The following BMPER variants were observed in gnomAD, a reference collection of about 807,000 sequenced individuals.
BMPER encodes the protein BMP-binding endothelial regulator protein.
BMPER carries 45 observed loss-of-function variants against 87.3 expected under a neutral mutation model. The observed-to-expected ratio is 0.52, with a 90% CI of 0.41 to 0.66. The LOEUF is 0.66. Ranked by LOEUF, BMPER falls within the 30% of genes least tolerant of loss-of-function variation. The pLI, the probability that BMPER is intolerant of heterozygous loss-of-function variation, is 0.00. For missense variants in BMPER, 784 were observed against 867.5 expected (o/e 0.90, Z 1.21); for synonymous variants, 326 against 316.2 (o/e 1.03, Z -0.33).
At position 34,005,293 on chromosome 7, in the gene BMPER, AAC is replaced by A. The variant is rs141371077; in HGVS notation, c.576+30512_576+30513del. Among the ~76,000 whole-genome samples the A allele has an allele frequency of 6.0e-3, 909 of 152,190 alleles. 4 individuals are homozygous for A. Among genetic ancestry groups the A allele is most frequent in the African/African-American group, 0.021 (855 of 41,536 alleles). ...AGCTATTGTTTTTTAAAACTATTGTAACACTGGGTAGAGAGGGACAAGATTAA... is the reference window on the plus strand; with the variant it reads ...AGCTATTGTTTTTTAAAACTATTGTAACTGGGTAGAGAGGGACAAGATTAA... On this transcript the variant is annotated intron_variant, in intron 6 of 14. Coordinates refer to ENST00000649409, the MANE Select transcript of BMPER (RefSeq NM_001365308.1).
At chr7:33,934,854 T>TA (rs1370338196) in intron 2 of BMPER, among the ~76,000 whole-genome samples, 1 of 152,236 alleles carries the variant, frequency 6.6e-6, no homozygotes, top group African/African-American at 2.4e-5. Flanking sequence ...GCTGAATGCA[T>TA]AAAGCCATAC....
At chr7:33,955,176 C>T (rs1027767037) in intron 3 of BMPER, among the ~76,000 whole-genome samples, 24 of 152,304 alleles carry the variant, frequency 1.6e-4, no homozygotes, top group African/African-American at 5.8e-4. Flanking sequence ...GGATTACAGG[C>T]GTAAGCCACT....
Position 33,994,350 on chromosome 7 carries a change from A to T in BMPER, c.576+19566A>T, listed in dbSNP as rs138061999. On this transcript the variant is annotated intron_variant, in intron 6 of 14. Transcript: ENST00000649409. ...CGCTGTTTTTTAAGCCCGTCGGAAA[A>T]GCGCGGTATTCGGGTGGGAGTGACC... Among the ~76,000 whole-genome samples the T allele has an allele frequency of 6.6e-3, 1,011 of 152,272 alleles. 10 individuals carry two copies. Among genetic ancestry groups the T allele is most frequent in the African/African-American group, 0.023 (973 of 41,562 alleles).
chr7:33,937,524 G>GTGTGTGTGTGTA (rs1784636024), intron 3 of BMPER, 136 bp downstream of exon 3: 4 of 773,434 alleles, frequency 5.2e-6, no homozygotes, highest in Non-Finnish European at 8.8e-6. Flanking sequence ...GTGTGTGTGT[G>GTGTGTGTGTGTA]TGTGTGTGTG....
intron 6 of BMPER, among the ~76,000 whole-genome samples, chr7:33,998,367 C>A (rs947310232): frequency 1.3e-5 from 2 of 152,210 alleles, no homozygotes; most frequent in African/African-American, 4.8e-5. Context: ...GTGTCCAGGT[C>A]AGCTAGACTT....
chr7:34,026,649 GTGTT>G (rs2127948878), intron 6 of BMPER, among the ~76,000 whole-genome samples: 1 of 152,226 alleles, frequency 6.6e-6, no homozygotes, highest in South Asian at 2.1e-4. Flanking sequence ...AATGGCCACT[GTGTT>G]TATTTATACA....
chr7:34,021,964 A>G (rs1199906160), intron 6 of BMPER, among the ~76,000 whole-genome samples: 1 of 152,020 alleles, frequency 6.6e-6, no homozygotes, highest in Non-Finnish European at 1.5e-5. Context: ...TTGTGATGGC[A>G]GTGATGAGGT....
intron 2 of BMPER, among the ~76,000 whole-genome samples, chr7:33,912,971 C>T (rs1783997888): frequency 1.3e-5 from 2 of 152,140 alleles, no homozygotes; most frequent in Admixed American, 6.5e-5. Context: ...AAGCATTGTG[C>T]TGGCTGGGGA....
chr7:34,120,087 C>T (rs1194123155), intron 13 of BMPER, among the ~76,000 whole-genome samples: 1 of 152,090 alleles, frequency 6.6e-6, no homozygotes, highest in Non-Finnish European at 1.5e-5. Flanking sequence ...TAATTTGACA[C>T]CTCTTTAATC....
At chr7:34,079,290 G>T in intron 12 of BMPER, 104 bp downstream of exon 12, 1 of 1,470,438 alleles carries the variant, frequency 6.8e-7, no homozygotes, top group Non-Finnish European at 9.4e-7. Context: ...CCTCCTCCGA[G>T]CAAAAACCCA....
At chr7:34,129,000 G>A (rs1469308973) in intron 13 of BMPER, among the ~76,000 whole-genome samples, 1 of 152,124 alleles carries the variant, frequency 6.6e-6, no homozygotes, top group African/African-American at 2.4e-5. Context: ...TTTTTGAGCT[G>A]TCACAGCGCT....
chr7:33,972,122 C>T (rs1785564190), intron 5 of BMPER, among the ~76,000 whole-genome samples: 1 of 152,092 alleles, frequency 6.6e-6, no homozygotes, highest in Non-Finnish European at 1.5e-5. Flanking sequence ...TCAGGATGGT[C>T]TTGATCTCCT....
At chr7:34,001,263 A>G (rs1161553914) in intron 6 of BMPER, among the ~76,000 whole-genome samples, 1 of 151,886 alleles carries the variant, frequency 6.6e-6, no homozygotes, top group Non-Finnish European at 1.5e-5. Context: ...TTTTTTAAAC[A>G]TTTGATAGAA....
At position 34,026,056 on chromosome 7, in the gene BMPER, G is replaced by A. The variant is rs115647196; in HGVS notation, c.577-20250G>A. On this transcript the variant is annotated intron_variant, in intron 6 of 14. Transcript: ENST00000649409. ...CACAATTCTGGACTCCCTACTTTGG[G>A]TTCAACGTTAGAATAGTCCTTTGTG... Among the ~76,000 whole-genome samples, 1,341 of 152,062 alleles carry A rather than the reference G, an allele frequency of 8.8e-3. 20 individuals are homozygous for A. The highest frequency in any genetic ancestry group is 0.031 in the African/African-American group (1,270 of 41,520).
intron 11 of BMPER, among the ~76,000 whole-genome samples, chr7:34,062,381 C>T (rs1000467914): frequency 7.2e-5 from 11 of 152,122 alleles, no homozygotes; most frequent in African/African-American, 1.9e-4. Flanking sequence ...TAATGCTATC[C>T]GTAAAACCAA....
intron 13 of BMPER, among the ~76,000 whole-genome samples, chr7:34,098,173 C>T (rs1789580571): frequency 6.6e-6 from 1 of 152,100 alleles, no homozygotes; most frequent in South Asian, 2.1e-4. Context: ...TGTGGGGAAC[C>T]ACCCTGGTAA....
At chr7:33,975,278 G>A (rs1785656356) in intron 6 of BMPER, among the ~76,000 whole-genome samples, 1 of 152,152 alleles carries the variant, frequency 6.6e-6, no homozygotes, top group Admixed American at 6.5e-5. Flanking sequence ...CAAATAAGAA[G>A]CAATGGGGAC....
At chr7:34,067,369 A>G (rs1247585736) in intron 11 of BMPER, 1 of 152,162 alleles carries the variant, frequency 6.6e-6, no homozygotes, top group Non-Finnish European at 1.5e-5. Context: ...GGAGACTATA[A>G]TAACAATTTC....
chr7:33,975,017 G>A (rs922494815), intron 6 of BMPER, among the ~76,000 whole-genome samples: 2 of 152,128 alleles, frequency 1.3e-5, no homozygotes, highest in Admixed American at 6.6e-5. Context: ...AGGATGTTTA[G>A]CAAGGTCCCC....
Sources: gnomAD v4.1 joint callset for allele counts (sites outside exome capture counted in the v4.1 genomes callset) on GRCh38, gnomAD v4.1.1 for gene constraint, MANE v1.5 for transcripts, NCBI Gene and HGNC (gene_info 2026-07-23, HGNC 2026-07-21) for gene names.